The following TMEM260 variants were observed in gnomAD, a reference collection of about 807,000 sequenced individuals.
The protein encoded by TMEM260 is transmembrane protein 260.
In TMEM260, 82 loss-of-function variants were observed where a neutral mutation model predicts 88.9. The ratio of observed to expected loss-of-function variants is 0.92; its 90% CI spans 0.77 to 1.11. The LOEUF (loss-of-function observed/expected upper bound fraction) is 1.11. Ranked by LOEUF, TMEM260 falls within the 50% of genes least tolerant of loss-of-function variation. The probability of loss-of-function intolerance (pLI) is 0.00; values close to 1 mark genes in which losing one functional copy is unlikely to be tolerated. For synonymous variants in TMEM260, 314 were observed against 309.3 expected, an observed-to-expected ratio of 1.02 and a Z score of -0.16; for missense variants, 902 against 853.4, an observed-to-expected ratio of 1.06 and a Z score of -0.71.
At chr14:56,584,218 G>A (rs1566523355) in intron 1 of TMEM260, among the ~76,000 whole-genome samples, 1 of 152,090 alleles carries the variant, frequency 6.6e-6, no homozygotes, top group Non-Finnish European at 1.5e-5. Context: ...GTGGACAGTA[G>A]TACATTTCCT....
chr14:56,598,247 A>C (rs1886366493), intron 3 of TMEM260, among the ~76,000 whole-genome samples: 1 of 152,182 alleles, frequency 6.6e-6, no homozygotes, highest in South Asian at 2.1e-4. Context: ...CAGAAAAAAA[A>C]CACAGAAGGA....
In TMEM260 at chr14:56,585,848, G is replaced by T; in HGVS notation, c.280G>T (p.Val94Phe). ...TCCTTTTGGTTCAATTGCCTACCGC[G>T]TCAATCTTCTCTGTGGCTTATTTGG... Reference protein sequence around the residue: ...LFPFGSIAYRVNLLCGLFGAV... With the variant: ...LFPFGSIAYRFNLLCGLFGAV... Residue 94 changes from valine (V) to phenylalanine (F), a missense_variant, in exon 3 of 16, where the codon GTC (valine) becomes TTC (phenylalanine). Val to Phe is a conservative substitution (Grantham distance 50, BLOSUM62 -1). Transcript: ENST00000261556. 6.2e-7 allele frequency: 1 copy of T among 1,613,306 alleles called. No individual in the cohort carries two copies. Among genetic ancestry groups the T allele is most frequent in the Non-Finnish European group, 8.5e-7 (1 of 1,179,662 alleles).
At chr14:56,637,832 GT>G (rs1319356274) in intron 15 of TMEM260, among the ~76,000 whole-genome samples, 1 of 149,828 alleles carries the variant, frequency 6.7e-6, no homozygotes, top group Non-Finnish European at 1.5e-5. Context: ...CAAATAGTGT[GT>G]TGGAGACAAC....
chr14:56,629,424 T>G (rs1313970062), intron 12 of TMEM260, among the ~76,000 whole-genome samples: 7 of 152,078 alleles, frequency 4.6e-5, no homozygotes, highest in Non-Finnish European at 8.8e-5. Context: ...TTACATATTA[T>G]GTCAGATAGG....
intron 11 of TMEM260, 146 bp from the exon 12 acceptor site, chr14:56,625,236 A>T (rs1037483751): frequency 6.9e-6 from 5 of 721,902 alleles, no homozygotes; most frequent in African/African-American, 1.8e-5. Flanking sequence ...AATCAGTACC[A>T]CATTCTCAGT....
intron 7 of TMEM260, among the ~76,000 whole-genome samples, chr14:56,614,370 G>T (rs1340172996): frequency 6.6e-6 from 1 of 151,884 alleles, no homozygotes; most frequent in East Asian, 1.9e-4. Context: ...GTGAGACTCT[G>T]TCTCAAAAAA....
At chr14:56,593,998 T>G (rs1886052360) in intron 3 of TMEM260, among the ~76,000 whole-genome samples, 1 of 152,178 alleles carries the variant, frequency 6.6e-6, no homozygotes, top group South Asian at 2.1e-4. Flanking sequence ...TGAGTGTCTT[T>G]TATAATACAA....
At chr14:56,641,781 C>T (rs1889613033) in intron 15 of TMEM260, among the ~76,000 whole-genome samples, 1 of 152,148 alleles carries the variant, frequency 6.6e-6, no homozygotes, top group Admixed American at 6.5e-5. Flanking sequence ...ATCTCACGTG[C>T]AGAGACACAC....
Position 56,621,616 on chromosome 14 carries a change from C to T in TMEM260, c.1312C>T (p.Leu438Phe). Reference protein sequence around the residue: ...TSMPHDAIILLRGDLPGNSLR... With the variant: ...TSMPHDAIILFRGDLPGNSLR... The stretch of plus-strand genomic sequence containing the variant: ...TATGCCTCATGATGCAATTATCTTA[C>T]TCAGAGGAGATTTGCCAGGAAATTC... Residue 438 changes from leucine to phenylalanine, a missense_variant, in exon 11 of 16, where the codon CTC becomes TTC. Transcript: ENST00000261556. 1 of 1,613,570 alleles carries T rather than the reference C, an allele frequency of 6.2e-7. No individual in the cohort carries two copies. The highest frequency in any genetic ancestry group is 8.5e-7 in the Non-Finnish European group (1 of 1,179,728).
downstream of TMEM260, among the ~76,000 whole-genome samples, chr14:56,654,814 C>CAAAAA (rs750160414): frequency 1.2e-4 from 6 of 51,786 alleles, no homozygotes; most frequent in Non-Finnish European, 1.9e-4. Flanking sequence ...AACTCCATCT[C>CAAAAA]AAAAAAAAAA....
intron 7 of TMEM260, among the ~76,000 whole-genome samples, chr14:56,614,552 A>G (rs1171754100): frequency 6.6e-6 from 1 of 152,188 alleles, no homozygotes; most frequent in Non-Finnish European, 1.5e-5. Context: ...CAAACCCTAC[A>G]TGAACTCCAA....
intron 12 of TMEM260, among the ~76,000 whole-genome samples, chr14:56,631,361 G>A (rs35450012): frequency 0.28 from 41,849 of 152,064 alleles, 6,734 homozygotes; most frequent in Non-Finnish European, 0.38. Context: ...GGTGACTCAC[G>A]CCTGTAATCC....
Position 56,621,577 on chromosome 14 carries a change from A to G in TMEM260, c.1273A>G (p.Asn425Asp). 1 of 1,611,104 alleles carries G rather than the reference A, an allele frequency of 6.2e-7. No individual in the cohort carries two copies. Among genetic ancestry groups the G allele is most frequent in the Non-Finnish European group, 8.5e-7 (1 of 1,178,934 alleles). The change falls in exon 11 of 16, where the codon AAC becomes GAC. Residue 425 changes from asparagine to aspartate, a missense_variant. By Grantham distance (23) the Asn-to-Asp change is conservative (BLOSUM62 1). Transcript: ENST00000261556. The part of the protein sequence containing the change: ...TNYVIDKFAK[N>D]LLTSMPHDAI... ...CTATGTGATTGATAAGTTCGCAAAGAACCTTCTCACCTCTATGCCTCATGA... is the reference window on the plus strand; with the variant it reads ...CTATGTGATTGATAAGTTCGCAAAGGACCTTCTCACCTCTATGCCTCATGA...
chr14:56,601,829 C>A (rs1184481521), intron 3 of TMEM260, among the ~76,000 whole-genome samples: 1 of 152,090 alleles, frequency 6.6e-6, no homozygotes, highest in East Asian at 1.9e-4. Context: ...AAGCTGGCTC[C>A]TGTGTCCTTC....
intron 1 of TMEM260, 92 bp downstream of exon 1, chr14:56,580,166 T>C: frequency 9.4e-7 from 1 of 1,061,232 alleles, no homozygotes; most frequent in Non-Finnish European, 1.2e-6. Flanking sequence ...TGGCATTCGG[T>C]CTGGTCAGCT....
chr14:56,661,570 A>C, the TMEM260 span, among the ~76,000 whole-genome samples: 1 of 148,268 alleles, frequency 6.7e-6, no homozygotes, highest in African/African-American at 2.5e-5. Context: ...GAAAGAGGGA[A>C]GGGAGGAAGG....
At chr14:56,636,350 G>A (rs1566572150) in intron 14 of TMEM260, among the ~76,000 whole-genome samples, 158 bp from the exon 15 acceptor site, 1 of 151,926 alleles carries the variant, frequency 6.6e-6, no homozygotes, top group Non-Finnish European at 1.5e-5. Context: ...GATTGTTGTT[G>A]GTTCAGAGCA....
intron 3 of TMEM260, among the ~76,000 whole-genome samples, chr14:56,602,539 G>A (rs1043943533): frequency 3.9e-5 from 6 of 152,096 alleles, no homozygotes; most frequent in Non-Finnish European, 8.8e-5. Flanking sequence ...TTGATGTGAT[G>A]TTATATTGCA....
the TMEM260 span, among the ~76,000 whole-genome samples, chr14:56,661,185 G>A: frequency 6.6e-6 from 1 of 152,006 alleles, no homozygotes; most frequent in Non-Finnish European, 1.5e-5. Context: ...CCTGGGCCAG[G>A]TACCAGCCTA....
Sources: gnomAD v4.1 joint callset for allele counts (sites outside exome capture counted in the v4.1 genomes callset) on GRCh38, gnomAD v4.1.1 for gene constraint, MANE v1.5 for transcripts, NCBI Gene and HGNC (gene_info 2026-07-23, HGNC 2026-07-21) for gene names.